HPSE2: variants seen among roughly 807,000 people sequenced by gnomAD.
HPSE2 encodes heparanase 2 (inactive).
HPSE2 carries 38 observed loss-of-function variants against 60.5 expected under a neutral mutation model. The observed-to-expected ratio is 0.63, with a 90% CI of 0.48 to 0.82. The LOEUF (loss-of-function observed/expected upper bound fraction) is 0.82, where lower values mean the gene tolerates loss of function less well. Ranked by LOEUF, HPSE2 falls within the 40% of genes least tolerant of loss-of-function variation. The pLI, the probability that HPSE2 is intolerant of heterozygous loss-of-function variation, is 0.00. For synonymous variants in HPSE2, 295 were observed against 293.2 expected (o/e 1.01, Z -0.06); for missense variants, 713 against 740.4 (o/e 0.96, Z 0.43).
chr10:98,583,227 C>T (rs1944852341), intron 9 of HPSE2, among the ~76,000 whole-genome samples: 1 of 152,314 alleles, frequency 6.6e-6, no homozygotes, highest in Admixed American at 6.5e-5. Flanking sequence ...AACTTCACTT[C>T]ATCCTCTTCA....
chr10:99,151,556 T>A lies in HPSE2; in HGVS notation c.449-7157A>T, dbSNP rs145017110. Among the ~76,000 whole-genome samples the A allele has an allele frequency of 5.9e-5, 9 of 152,124 alleles. No homozygotes were observed. The East Asian group carries it at 1.7e-3, about 29-fold the overall frequency. On this transcript the variant is annotated intron_variant, in intron 2 of 11. Coordinates refer to ENST00000370552, the MANE Select transcript of HPSE2 (RefSeq NM_021828.5). ...ACAAAGAGATCCACATCTAGATACA[T>A]TATAATAAAAATGTTAAAAGCCCAA...
intron 6 of HPSE2, among the ~76,000 whole-genome samples, chr10:98,688,115 A>G (rs1285355204): frequency 1.3e-5 from 2 of 151,834 alleles, no homozygotes; most frequent in African/African-American, 4.8e-5. Flanking sequence ...TTTTAAAGGG[A>G]CTGCTGTAGT....
the HPSE2 span, among the ~76,000 whole-genome samples, chr10:99,271,329 C>CT: frequency 6.6e-6 from 1 of 152,166 alleles, no homozygotes; most frequent in Admixed American, 6.5e-5. Flanking sequence ...AGTAGCTCTG[C>CT]TATACACCAG....
At chr10:98,571,022 T>C (rs1313478546) in intron 9 of HPSE2, among the ~76,000 whole-genome samples, 2 of 152,192 alleles carry the variant, frequency 1.3e-5, no homozygotes, top group East Asian at 3.8e-4. Flanking sequence ...CTTTTTAAAA[T>C]ATAATTCAAG....
the HPSE2 span, among the ~76,000 whole-genome samples, chr10:99,262,377 T>C: frequency 2.6e-5 from 4 of 152,140 alleles, no homozygotes; most frequent in Non-Finnish European, 5.9e-5. Context: ...AATTATCTGC[T>C]TTCCTGACTA....
chr10:98,962,174 T>C (rs1441872566), intron 3 of HPSE2, among the ~76,000 whole-genome samples: 2 of 59,790 alleles, frequency 3.3e-5, no homozygotes, highest in Non-Finnish European at 3.4e-5. Context: ...AGTCAGGTAG[T>C]GTGATGCCTC....
In HPSE2 at chr10:99,102,347, T is replaced by C. The variant is rs926446998; in HGVS notation, c.610+41891A>G. On this transcript the variant is annotated intron_variant, in intron 3 of 11. Transcript: ENST00000370552. ...TACAAACTACCATCAGAGAATACTA[T>C]AAACACCTCTACGGAAATAAACGAG... is the stretch of plus-strand genomic sequence containing the variant. 8.1e-4 allele frequency among the ~76,000 whole-genome samples: 124 copies of C among 152,206 alleles called. 1 individual carries two copies. The highest frequency in any genetic ancestry group is 2.0e-3 in the Admixed American group (30 of 15,280).
chr10:98,569,341 G>T (rs113132831), intron 9 of HPSE2, among the ~76,000 whole-genome samples: 2 of 152,114 alleles, frequency 1.3e-5, no homozygotes, highest in Non-Finnish European at 2.9e-5. Context: ...GATTACAGAC[G>T]TGAGCCACTG....
At chr10:98,929,312 C>A (rs937681244) in intron 3 of HPSE2, among the ~76,000 whole-genome samples, 1 of 143,726 alleles carries the variant, frequency 7.0e-6, no homozygotes, top group Admixed American at 6.9e-5. Flanking sequence ...TAACCTATAG[C>A]CAAGCAAGGC....
intron 9 of HPSE2, among the ~76,000 whole-genome samples, chr10:98,554,300 C>A (rs750000423): frequency 7.2e-5 from 11 of 152,174 alleles, no homozygotes; most frequent in Admixed American, 5.2e-4. Flanking sequence ...TGCCTAAGCC[C>A]GGAATTCTCT....
At chr10:99,181,046 T>G (rs1286401619) in intron 2 of HPSE2, among the ~76,000 whole-genome samples, 4 of 152,016 alleles carry the variant, frequency 2.6e-5, no homozygotes, top group African/African-American at 4.8e-5. Context: ...GAAATACCAT[T>G]TAACCCAGCA....
intron 3 of HPSE2, among the ~76,000 whole-genome samples, chr10:98,870,959 G>A (rs1221854229): frequency 1.6e-5 from 2 of 122,116 alleles, no homozygotes; most frequent in African/African-American, 6.1e-5. Context: ...AAAAAAAAAA[G>A]AGGCTGGAAT....
chr10:98,743,060 C>T (rs953806738), intron 4 of HPSE2, among the ~76,000 whole-genome samples: 3 of 150,358 alleles, frequency 2.0e-5, no homozygotes, highest in African/African-American at 7.4e-5. Flanking sequence ...GCAACCTTCG[C>T]CTCCTGGGTT....
chr10:99,130,785 C>A (rs185975695), intron 3 of HPSE2, among the ~76,000 whole-genome samples: 1 of 152,182 alleles, frequency 6.6e-6, no homozygotes, highest in African/African-American at 2.4e-5. Flanking sequence ...AGTTATCAAT[C>A]GGACAAATTC....
At chr10:98,982,906 A>G (rs1294627166) in intron 3 of HPSE2, among the ~76,000 whole-genome samples, 1 of 152,248 alleles carries the variant, frequency 6.6e-6, no homozygotes, top group African/African-American at 2.4e-5. Context: ...TTCTCTAGAA[A>G]ACATGAAAAA....
In HPSE2 at chr10:99,035,638, C is replaced by A. The variant is rs191196259; in HGVS notation, c.610+108600G>T. 7.8e-4 allele frequency among the ~76,000 whole-genome samples: 119 copies of A among 152,268 alleles called. 1 individual carries two copies. Among genetic ancestry groups the A allele is most frequent in the African/African-American group, 2.7e-3 (112 of 41,544 alleles). ...GCTAGCTATACTTTTATACAAGTGGCAGCACAACAGATGATGTTTACACCA... is the reference window on the plus strand; with the variant it reads ...GCTAGCTATACTTTTATACAAGTGGAAGCACAACAGATGATGTTTACACCA... On this transcript the variant is annotated intron_variant, in intron 3 of 11. Coordinates refer to ENST00000370552, the MANE Select transcript of HPSE2 (RefSeq NM_021828.5).
intron 3 of HPSE2, among the ~76,000 whole-genome samples, chr10:98,844,735 T>C (rs1301625417): frequency 6.6e-6 from 1 of 152,218 alleles, no homozygotes; most frequent in East Asian, 1.9e-4. Flanking sequence ...TTCTAGGCAT[T>C]ATGTTGGTTT....
At chr10:98,809,605 A>T (rs1334667807) in intron 3 of HPSE2, among the ~76,000 whole-genome samples, 1 of 152,150 alleles carries the variant, frequency 6.6e-6, no homozygotes, top group Non-Finnish European at 1.5e-5. Flanking sequence ...CCTGGTAATT[A>T]AGAATTACAG....
chr10:99,172,694 G>A (rs764324754), intron 2 of HPSE2, among the ~76,000 whole-genome samples: 3 of 152,004 alleles, frequency 2.0e-5, no homozygotes, highest in Non-Finnish European at 2.9e-5. Context: ...CCTGGCCAAC[G>A]CGGTGAAAAC....
Sources: allele counts gnomAD v4.1 joint callset (sites outside exome capture counted in the v4.1 genomes callset), GRCh38; gene constraint gnomAD v4.1.1; transcripts MANE v1.5; gene names NCBI Gene and HGNC (gene_info 2026-07-23, HGNC 2026-07-21).